The following CNTNAP2 variants were observed in gnomAD, a reference collection of about 807,000 sequenced individuals.
The protein encoded by CNTNAP2 is contactin-associated protein-like 2.
CNTNAP2 carries 98 observed loss-of-function variants against 155.2 expected under a neutral mutation model. The ratio of observed to expected loss-of-function variants is 0.63; its 90% CI spans 0.54 to 0.75. The LOEUF is 0.75. CNTNAP2 is among the 30% of genes least tolerant of loss of function. The pLI, the probability that CNTNAP2 is intolerant of heterozygous loss-of-function variation, is 0.00. For synonymous variants in CNTNAP2, 651 were observed against 631.2 expected (o/e 1.03, Z -0.47); for missense variants, 1,727 against 1,688.1 (o/e 1.02, Z -0.40).
At chr7:146,482,689 G>A (rs1363432227) in intron 1 of CNTNAP2, among the ~76,000 whole-genome samples, 1 of 151,764 alleles carries the variant, frequency 6.6e-6, no homozygotes, top group Non-Finnish European at 1.5e-5. Flanking sequence ...GTTGCAGTGA[G>A]CTGAGATCAC....
chr7:146,449,070 T>A (rs1267292102), intron 1 of CNTNAP2, among the ~76,000 whole-genome samples: 1 of 152,144 alleles, frequency 6.6e-6, no homozygotes, highest in Non-Finnish European at 1.5e-5. Context: ...TTCTTTCTTC[T>A]AATTTACTGA....
At chr7:146,845,582 G>A (rs1214731312) in intron 3 of CNTNAP2, among the ~76,000 whole-genome samples, 1 of 152,164 alleles carries the variant, frequency 6.6e-6, no homozygotes, top group Non-Finnish European at 1.5e-5. Flanking sequence ...ACAATAGTCA[G>A]TAATGACAAT....
At chr7:147,119,257 T>C in intron 5 of CNTNAP2, among the ~76,000 whole-genome samples, 1 of 152,164 alleles carries the variant, frequency 6.6e-6, no homozygotes, top group East Asian at 1.9e-4. Flanking sequence ...AACTGTGGCT[T>C]ATAGCAGTGT....
chr7:147,668,508 C>A (rs1001552822), intron 13 of CNTNAP2, among the ~76,000 whole-genome samples: 1 of 152,130 alleles, frequency 6.6e-6, no homozygotes, highest in Non-Finnish European at 1.5e-5. Flanking sequence ...CCCAGTGGGA[C>A]AAGGTGTAGA....
intron 15 of CNTNAP2, among the ~76,000 whole-genome samples, chr7:148,056,834 T>C (rs981842448): frequency 5.3e-5 from 8 of 152,222 alleles, no homozygotes; most frequent in African/African-American, 1.9e-4. Flanking sequence ...AGTAATGGGA[T>C]AAGGTACTTG....
At chr7:147,315,146 T>C (rs1419931464) in intron 9 of CNTNAP2, among the ~76,000 whole-genome samples, 1 of 150,450 alleles carries the variant, frequency 6.6e-6, no homozygotes, top group East Asian at 1.9e-4. Context: ...GGCTGCCTTC[T>C]TAGTAAAATT....
intron 13 of CNTNAP2, among the ~76,000 whole-genome samples, chr7:147,755,830 C>G (rs1335857604): frequency 1.3e-5 from 2 of 152,134 alleles, no homozygotes; most frequent in Non-Finnish European, 2.9e-5. Flanking sequence ...CAAGGAGCCT[C>G]ACGTTTTCAT....
At chr7:146,559,038 A>T (rs537724841) in intron 1 of CNTNAP2, among the ~76,000 whole-genome samples, 37 of 152,338 alleles carry the variant, frequency 2.4e-4, no homozygotes, top group African/African-American at 7.5e-4. Flanking sequence ...TAAAGTTTTT[A>T]AAAATATAAC....
rs77795010 is a variant in CNTNAP2 at position 147,579,254 on chromosome 7, T to C, written c.1897+16997T>C. Among the ~76,000 whole-genome samples, 845 of 152,262 alleles carry C rather than the reference T, an allele frequency of 5.5e-3. 7 individuals are homozygous for C. Among genetic ancestry groups the C allele is most frequent in the African/African-American group, 0.019 (800 of 41,558 alleles). On this transcript the variant is annotated intron_variant, in intron 12 of 23. Coordinates refer to ENST00000361727, the MANE Select transcript of CNTNAP2 (RefSeq NM_014141.6). ...TATGAAATATCTATGTTTATCATTC[T>C]TTGTTATCTCCCAGGTACAGTTTTT...
intron 23 of CNTNAP2, among the ~76,000 whole-genome samples, chr7:148,412,028 C>T (rs1400316574): frequency 6.6e-6 from 1 of 152,084 alleles, no homozygotes; most frequent in Non-Finnish European, 1.5e-5. Context: ...ATGCAACCTC[C>T]GACTCCCTGG....
rs200796835 is a variant in CNTNAP2, at chr7:146,483,282, AATATATAT to A, written c.98-290949_98-290942del. The stretch of plus-strand genomic sequence containing the variant: ...CAGAGCAAGACTCCGTCTAAAAAAA[AATATATAT>A]ATATATATATATATATATATATATA... On this transcript the variant is annotated intron_variant, in intron 1 of 23. Transcript: ENST00000361727. Among the ~76,000 whole-genome samples the A allele has an allele frequency of 7.6e-3, 304 of 39,846 alleles. 9 individuals carry two copies. The highest frequency in any genetic ancestry group is 0.035 in the Admixed American group (114 of 3,220). The allele number at this position is 39,846 out of a possible 152,430, so 26.1% of individuals were successfully genotyped here. A position where few individuals can be genotyped will look rare whatever the true frequency, so the allele number is the denominator to read the frequency against.
At chr7:146,176,711 C>T (rs968185412) in intron 1 of CNTNAP2, among the ~76,000 whole-genome samples, 11 of 152,046 alleles carry the variant, frequency 7.2e-5, no homozygotes, top group Admixed American at 6.6e-5. Context: ...AGTTCCTGGC[C>T]TCCGTGAACC....
chr7:146,890,625 G>C (rs1795755554), intron 3 of CNTNAP2, among the ~76,000 whole-genome samples: 1 of 152,046 alleles, frequency 6.6e-6, no homozygotes, highest in Admixed American at 6.6e-5. Flanking sequence ...ATGATCATGA[G>C]CTAAAAAACA....
At chr7:146,178,436 T>G (rs1798502989) in intron 1 of CNTNAP2, among the ~76,000 whole-genome samples, 1 of 152,198 alleles carries the variant, frequency 6.6e-6, no homozygotes, top group South Asian at 2.1e-4. Context: ...TTATCGAACA[T>G]GCTACAAAGA....
intron 21 of CNTNAP2, among the ~76,000 whole-genome samples, chr7:148,381,103 C>G (rs1799048619): frequency 6.6e-6 from 1 of 152,258 alleles, no homozygotes; most frequent in Non-Finnish European, 1.5e-5. Context: ...TGAGCGCCAA[C>G]AGGAGTGAAC....
chr7:147,022,608 G>GT (rs71165062), intron 3 of CNTNAP2, among the ~76,000 whole-genome samples: 9,330 of 138,798 alleles, frequency 0.067, 782 homozygotes, highest in African/African-American at 0.2. Context: ...CAAACACATG[G>GT]TTTTTTTTTT....
chr7:147,328,848 C>T (rs956399192), intron 9 of CNTNAP2, among the ~76,000 whole-genome samples: 1 of 151,996 alleles, frequency 6.6e-6, no homozygotes, highest in African/African-American at 2.4e-5. Context: ...ACTGGAGAGA[C>T]ACAGTAACTT....
chr7:146,693,337 C>CA (rs1001677044), intron 1 of CNTNAP2, among the ~76,000 whole-genome samples: 23 of 149,202 alleles, frequency 1.5e-4, no homozygotes, highest in East Asian at 7.9e-4. Context: ...CATTATGTAC[C>CA]AAAAAAAAAT....
At chr7:147,438,038 A>G (rs1384296491) in intron 10 of CNTNAP2, among the ~76,000 whole-genome samples, 1 of 152,116 alleles carries the variant, frequency 6.6e-6, no homozygotes, top group East Asian at 1.9e-4. Context: ...TTCCAAATAT[A>G]AGATCATACT....
Sources: gnomAD v4.1 joint callset for allele counts (sites outside exome capture counted in the v4.1 genomes callset) on GRCh38, gnomAD v4.1.1 for gene constraint, MANE v1.5 for transcripts, NCBI Gene and HGNC (gene_info 2026-07-23, HGNC 2026-07-21) for gene names.